Variants in FREM1 observed in about 807,000 individuals in gnomAD.
The protein encoded by FREM1 is FRAS1 related extracellular matrix 1, also known as FRAS1-related extracellular matrix protein 1.
In FREM1, 220 loss-of-function variants were observed where a neutral mutation model predicts 210.1. The ratio of observed to expected loss-of-function variants is 1.05; its 90% confidence interval spans 0.94 to 1.17. The LOEUF is 1.17. Among genes scored for constraint, FREM1 ranks in the 50% most tolerant of loss-of-function variants. FREM1 has a pLI of 0.00. For synonymous variants in FREM1, 1,189 were observed against 980.2 expected, an observed-to-expected ratio of 1.21 and a Z score of -3.98; for missense variants, 3,454 against 2,675.5, an observed-to-expected ratio of 1.29 and a Z score of -6.42.
intron 21 of FREM1, among the ~76,000 whole-genome samples, chr9:14,795,877 C>T (rs1026403100): frequency 1.3e-5 from 2 of 152,034 alleles, no homozygotes; most frequent in Admixed American, 1.3e-4. Context: ...CAGTGGATGC[C>T]CCGGGGCCCT....
rs1293829507 is a variant in FREM1, at chr9:14,776,265, A to T, written c.4443-62T>A. The T allele has an allele frequency of 3.4e-6, 5 of 1,478,344 alleles. No individual in the cohort carries two copies. The African/African-American group carries it at 7.0e-5, about 21-fold the overall frequency. The allele number at this position is 1,478,344 out of a possible 1,614,324, so 91.6% of individuals were successfully genotyped here. On this transcript the variant is annotated intron_variant, in intron 24 of 36. Transcript: ENST00000380880. The stretch of plus-strand genomic sequence containing the variant: ...TCTTGTGTCACCATCTACTGGAATG[A>T]AATGATAACAATACACACCTTTACT...
chr9:14,848,529 T>C, intron 7 of FREM1, 136 bp downstream of exon 7: 2 of 416,172 alleles, frequency 4.8e-6, no homozygotes, highest in Non-Finnish European at 8.7e-6. Flanking sequence ...AGCTACTATG[T>C]GATGCCCTTA....
At position 14,869,052 on chromosome 9, in the gene FREM1, G is replaced by A. The variant is rs1832097311; in HGVS notation, c.-75C>T. 1.9e-6 allele frequency: 2 copies of A among 1,043,714 alleles called. No individual in the cohort carries two copies. The highest frequency in any genetic ancestry group is 4.9e-5 in the Admixed American group (2 of 41,188). The allele number at this position is 1,043,714 out of a possible 1,614,324, so 64.7% of individuals were successfully genotyped here. ...AAGGAGGGCTTCTGTGCTTCCTCCT[G>A]GAGGGTCAGCTCATAGTCCAAGGGG... On this transcript the variant is annotated 5_prime_UTR_variant, in exon 2 of 37. Coordinates refer to ENST00000380880, the MANE Select transcript of FREM1 (RefSeq NM_001379081.2).
chr9:14,771,739 A>G (rs1847610638), intron 25 of FREM1, among the ~76,000 whole-genome samples: 1 of 152,194 alleles, frequency 6.6e-6, no homozygotes, highest in South Asian at 2.1e-4. Flanking sequence ...AAAGTAAAGA[A>G]TTCTTGTCAA....
At chr9:14,752,868 A>T (rs1024642922) in intron 29 of FREM1, among the ~76,000 whole-genome samples, 4 of 152,108 alleles carry the variant, frequency 2.6e-5, no homozygotes, top group African/African-American at 9.7e-5. Context: ...CAAACAAACA[A>T]ACAAAAAACA....
At chr9:14,846,197 A>G in intron 7 of FREM1, 106 bp from the exon 8 acceptor site, 3 of 918,812 alleles carry the variant, frequency 3.3e-6, no homozygotes, top group East Asian at 2.9e-5. Context: ...TAATGAGTTC[A>G]TGCCCTTTGC....
chr9:14,744,435 T>A, intron 35 of FREM1, among the ~76,000 whole-genome samples: 1 of 152,116 alleles, frequency 6.6e-6, no homozygotes, highest in East Asian at 1.9e-4. Flanking sequence ...ATAACAATTT[T>A]TTATTTCTAA....
intron 2 of FREM1, among the ~76,000 whole-genome samples, chr9:14,866,486 G>C (rs532814216): frequency 6.6e-6 from 1 of 152,238 alleles, no homozygotes; most frequent in Non-Finnish European, 1.5e-5. Context: ...GGCTGGCTTA[G>C]GTAACAATAG....
intron 8 of FREM1, among the ~76,000 whole-genome samples, chr9:14,842,874 A>G (rs1825934595): frequency 6.6e-6 from 1 of 152,188 alleles, no homozygotes; most frequent in Admixed American, 6.5e-5. Flanking sequence ...GATTTGAGCA[A>G]GGTATTTAAT....
intron 25 of FREM1, among the ~76,000 whole-genome samples, chr9:14,773,850 T>A (rs987727475): frequency 4.6e-5 from 7 of 152,120 alleles, no homozygotes; most frequent in African/African-American, 1.2e-4. Context: ...AACTCTAACA[T>A]CTGCACTCAG....
chr9:14,757,170 C>G (rs1223963865), intron 28 of FREM1, among the ~76,000 whole-genome samples: 1 of 152,204 alleles, frequency 6.6e-6, no homozygotes, highest in East Asian at 1.9e-4. Flanking sequence ...CTTCTCAGCT[C>G]CAGCCCCAAG....
rs1825663379 is a variant in FREM1, at chr9:14,841,308, A to G, written c.1881+139T>C. 6.3e-6 allele frequency: 4 copies of G among 638,836 alleles called. No individual in the cohort carries two copies. The Admixed American group carries it at 1.3e-4, about 21-fold the overall frequency. 39.6% of individuals were successfully genotyped at this position (638,836 alleles called of 1,614,324 possible). A position where few individuals can be genotyped will look rare whatever the true frequency, so the allele number is the denominator to read the frequency against. Reference sequence around the variant, plus strand: ...ATTTGAGTAGTCCTATTGCAAAGAAATCTGCTTAATTTTGTTTAATCGATT... The same window carrying G: ...ATTTGAGTAGTCCTATTGCAAAGAAGTCTGCTTAATTTTGTTTAATCGATT... On this transcript the variant is annotated intron_variant, in intron 10 of 36. Coordinates refer to ENST00000380880, the MANE Select transcript of FREM1 (RefSeq NM_001379081.2).
intron 22 of FREM1, chr9:14,791,171 G>C (rs1851237350): frequency 1.3e-5 from 2 of 152,142 alleles, no homozygotes; most frequent in Admixed American, 1.3e-4. Context: ...GACCTTCTCA[G>C]GTGACTGATC....
chr9:14,833,104 T>A (rs1369415986), intron 10 of FREM1, among the ~76,000 whole-genome samples: 1 of 152,156 alleles, frequency 6.6e-6, no homozygotes, highest in Non-Finnish European at 1.5e-5. Flanking sequence ...TTGTGCTAAG[T>A]CAGTGCCTGG....
Position 14,861,318 on chromosome 9 carries a change from T to C in FREM1, c.330-1834A>G, listed in dbSNP as rs1174961283. On this transcript the variant is annotated intron_variant, in intron 3 of 36. Transcript: ENST00000380880. ...ACATATATACACATATATACATATA[T>C]ACACATATATACATATATACACATA... Among the ~76,000 whole-genome samples the C allele has an allele frequency of 1.6e-3, 188 of 114,086 alleles. 4 individuals carry two copies. Among genetic ancestry groups the C allele is most frequent in the Non-Finnish European group, 2.3e-3 (146 of 63,224 alleles). 74.8% of individuals were successfully genotyped at this position (114,086 alleles called of 152,430 possible).
At chr9:14,829,297 A>T (rs1393952817) in intron 10 of FREM1, among the ~76,000 whole-genome samples, 1 of 152,182 alleles carries the variant, frequency 6.6e-6, no homozygotes, top group African/African-American at 2.4e-5. Context: ...TGGTTGTGGA[A>T]AAGCTATTAA....
chr9:14,791,848 T>TG (rs1554664923), intron 22 of FREM1, among the ~76,000 whole-genome samples: 4 of 151,874 alleles, frequency 2.6e-5, no homozygotes, highest in African/African-American at 7.3e-5. Context: ...TGTTTTGTTT[T>TG]TTAAGACGGA....
At chr9:14,756,176 A>T (rs1844310835) in intron 29 of FREM1, among the ~76,000 whole-genome samples, 198 bp downstream of exon 29, 1 of 152,122 alleles carries the variant, frequency 6.6e-6, no homozygotes, top group African/African-American at 2.4e-5. Context: ...ATCAAAATTC[A>T]TTTGTTACTA....
At chr9:14,776,882 T>G (rs531189694) in intron 24 of FREM1, among the ~76,000 whole-genome samples, 1 of 152,212 alleles carries the variant, frequency 6.6e-6, no homozygotes, top group Non-Finnish European at 1.5e-5. Context: ...TAATCTCTTA[T>G]GGTTTACATG....
Sources: gnomAD v4.1 joint callset for allele counts (sites outside exome capture counted in the v4.1 genomes callset) on GRCh38, gnomAD v4.1.1 for gene constraint, MANE v1.5 for transcripts, NCBI Gene and HGNC (gene_info 2026-07-23, HGNC 2026-07-21) for gene names.